Variants in CNTRL observed in about 807,000 individuals in gnomAD.
CNTRL encodes the protein centriolin.
In CNTRL, 233 loss-of-function variants were observed where a neutral mutation model predicts 303.7. That is an observed-to-expected ratio of 0.77 (90% CI 0.69 to 0.86). The LOEUF (loss-of-function observed/expected upper bound fraction) is 0.86, where lower values mean the gene tolerates loss of function less well. Among genes scored for constraint, CNTRL ranks in the 40% least tolerant of loss-of-function variants. The probability of loss-of-function intolerance (pLI) is 0.00; values close to 1 mark genes in which losing one functional copy is unlikely to be tolerated. For missense variants in CNTRL, 2,524 were observed against 2,650.6 expected (o/e 0.95, Z 1.05); for synonymous variants, 900 against 922.2 (o/e 0.98, Z 0.44).
intron 11 of CNTRL, 31 bp downstream of exon 11, chr9:121,115,231 G>A (rs1324059289): frequency 8.1e-7 from 1 of 1,230,196 alleles, no homozygotes; most frequent in South Asian, 1.3e-5. Flanking sequence ...AATGCTAAGA[G>A]GAAATGAAAA....
At chr9:121,101,923 C>T (rs1288781317) in intron 7 of CNTRL, among the ~76,000 whole-genome samples, 3 of 152,012 alleles carry the variant, frequency 2.0e-5, no homozygotes, top group Non-Finnish European at 4.4e-5. Context: ...CCTGCCAACC[C>T]AAAAAAGTCC....
intron 12 of CNTRL, among the ~76,000 whole-genome samples, chr9:121,118,775 G>T (rs1179409227): frequency 6.6e-6 from 1 of 152,142 alleles, no homozygotes; most frequent in East Asian, 1.9e-4. Context: ...TACTGAACAT[G>T]TACAGACTTT....
chr9:121,113,576 C>T lies in CNTRL; in HGVS notation c.1197C>T (p.Ala399=). 2 of 1,608,054 alleles carry T rather than the reference C, an allele frequency of 1.2e-6. No homozygotes were observed. Among genetic ancestry groups the T allele is most frequent in the Non-Finnish European group, 1.7e-6 (2 of 1,178,140 alleles). Residue 399 remains alanine, a synonymous_variant, in exon 10 of 44, where the codon GCC becomes GCT. Transcript: ENST00000373855. The stretch of plus-strand genomic sequence containing the variant: ...CCAGATACAAGAGAAATATGTTTGC[C>T]ACAGAGAGTTATATTATTGACAGTG... ...GKSRYKRNMF[A]TESYIIDSAQ...
At chr9:121,175,304 C>A in intron 43 of CNTRL, 80 bp downstream of exon 43, 1 of 1,321,334 alleles carries the variant, frequency 7.6e-7, no homozygotes, top group Non-Finnish European at 1.1e-6. Context: ...TCTTGCCCTA[C>A]CGCCCAGGCT....
At chr9:121,090,549 T>C (rs2048522612) in intron 4 of CNTRL, 144 bp downstream of exon 4, 1 of 735,768 alleles carries the variant, frequency 1.4e-6, no homozygotes, top group Admixed American at 3.1e-5. Flanking sequence ...CAGAAGTATA[T>C]GACATTTCCA....
At chr9:121,112,138 G>A (rs1295531553) in intron 8 of CNTRL, among the ~76,000 whole-genome samples, 2 of 152,000 alleles carry the variant, frequency 1.3e-5, no homozygotes, top group Non-Finnish European at 2.9e-5. Context: ...TATTTATTAG[G>A]CCAGTTACAC....
At chr9:121,132,542 T>C (rs146118875) in intron 14 of CNTRL, among the ~76,000 whole-genome samples, 19 of 152,342 alleles carry the variant, frequency 1.2e-4, no homozygotes, top group African/African-American at 4.3e-4. Context: ...CTAATCTTTT[T>C]TCAAGGTTTT....
intron 15 of CNTRL, among the ~76,000 whole-genome samples, chr9:121,137,114 G>C (rs1030594614): frequency 3.9e-5 from 6 of 152,178 alleles, no homozygotes; most frequent in Admixed American, 1.3e-4. Flanking sequence ...AAGAGAATGA[G>C]AGGTAAAGGC....
At chr9:121,116,966 C>CA (rs1436533024) in intron 11 of CNTRL, among the ~76,000 whole-genome samples, 1 of 151,902 alleles carries the variant, frequency 6.6e-6, no homozygotes, top group Admixed American at 6.6e-5. Context: ...TAGTACTGGC[C>CA]AAAGCTTTAC....
chr9:121,144,913 C>G lies in CNTRL; in HGVS notation c.3122C>G (p.Ala1041Gly). The G allele has an allele frequency of 1.9e-6, 3 of 1,613,574 alleles. No homozygotes were observed. The highest frequency in any genetic ancestry group is 2.5e-6 in the Non-Finnish European group (3 of 1,179,926). ...GCCAGAGATCTCACCCGAGCAGAAG[C>G]TGAGATCGAACTCCTGCAGAATCTC... ...QAARDLTRAE[A>G]EIELLQNLLR... The change falls in exon 21 of 44, where the codon GCT (alanine) becomes GGT (glycine). Residue 1041 changes from alanine to glycine, a missense_variant. Ala to Gly is a moderately conservative substitution (Grantham distance 60). Coordinates refer to ENST00000373855, the MANE Select transcript of CNTRL (RefSeq NM_007018.6).
Position 121,154,933 on chromosome 9 carries a change from G to A in CNTRL, c.4365+20G>A. The A allele has an allele frequency of 3.1e-6, 5 of 1,610,300 alleles. No individual in the cohort carries two copies. The highest frequency in any genetic ancestry group is 4.2e-6 in the Non-Finnish European group (5 of 1,176,598). On this transcript the variant is annotated intron_variant, in intron 27 of 43. Coordinates refer to ENST00000373855, the MANE Select transcript of CNTRL (RefSeq NM_007018.6). ...GAAAAGGTTTGTCTTCTTGTGGTTT[G>A]GGGTGTGAGCTCAGTGTGGGTGAGT...
intron 21 of CNTRL, 42 bp from the exon 22 acceptor site, chr9:121,145,202 T>G (rs780669200): frequency 6.3e-7 from 1 of 1,578,526 alleles, no homozygotes; most frequent in Non-Finnish European, 8.6e-7. Context: ...TGGGAAAGAA[T>G]GAATTCATTG....
Position 121,142,077 on chromosome 9 carries a change from G to A in CNTRL, c.2692-14G>A. 2.6e-6 allele frequency: 4 copies of A among 1,551,672 alleles called. No individual in the cohort carries two copies. The highest frequency in any genetic ancestry group is 1.4e-5 in the African/African-American group (1 of 72,084). Reference sequence around the variant, plus strand: ...TTGCCTAAAAATCATTCTTGAAATTGTATTTCTTCACAGATGAATTTTGAT... The same window carrying A: ...TTGCCTAAAAATCATTCTTGAAATTATATTTCTTCACAGATGAATTTTGAT... On this transcript the variant is annotated splice_polypyrimidine_tract_variant and intron_variant, in intron 18 of 43. Coordinates refer to ENST00000373855, the MANE Select transcript of CNTRL (RefSeq NM_007018.6).
intron 1 of CNTRL, among the ~76,000 whole-genome samples, chr9:121,077,284 G>T (rs533590271): frequency 6.6e-6 from 1 of 151,072 alleles, no homozygotes; most frequent in East Asian, 1.9e-4. Flanking sequence ...CTACCTCTCA[G>T]TTGTCTTCAT....
chr9:121,084,546 AT>A (rs375734045), intron 2 of CNTRL, among the ~76,000 whole-genome samples: 47 of 145,394 alleles, frequency 3.2e-4, no homozygotes, highest in Non-Finnish European at 2.6e-4. Flanking sequence ...AGAGGATGTC[AT>A]TTTTTTTTTT....
At position 121,157,532 on chromosome 9, in the gene CNTRL, T is replaced by C. The variant is rs1480690392; in HGVS notation, c.4428T>C (p.Asp1476=). 6.2e-7 allele frequency: 1 copy of C among 1,614,148 alleles called. No individual in the cohort carries two copies. The highest frequency in any genetic ancestry group is 2.2e-5 in the East Asian group (1 of 44,868). Residue 1476 remains aspartate, a synonymous_variant, in exon 28 of 44, where the codon GAT becomes GAC. Coordinates refer to ENST00000373855, the MANE Select transcript of CNTRL (RefSeq NM_007018.6). Reference sequence around the variant, plus strand: ...GAAGTTTATTGCAAACTGAGTCAGATGCTGAGGAATTAGAAAGGAGAGCTC... The same window carrying C: ...GAAGTTTATTGCAAACTGAGTCAGACGCTGAGGAATTAGAAAGGAGAGCTC... ...AKRSLLQTES[D]AEELERRAQE...
Position 121,167,517 on chromosome 9 carries a change from A to G in CNTRL, c.5684A>G (p.Asp1895Gly). Residue 1895 changes from aspartate to glycine, a missense_variant, in exon 37 of 44, where the codon GAT becomes GGT. Physicochemically the swap from Asp to Gly is moderately conservative, Grantham distance 94 (BLOSUM62 -1). Transcript: ENST00000373855. ...CTGCTTCACACCACCAAGCATCAGG[A>G]TGTGTTGCTCAGTGAGCAGACCCGA... ...QDLLHTTKHQ[D>G]VLLSEQTRLQ... 6.2e-7 allele frequency: 1 copy of G among 1,613,936 alleles called. No individual in the cohort carries two copies. The highest frequency in any genetic ancestry group is 8.5e-7 in the Non-Finnish European group (1 of 1,179,924).
At position 121,151,384 on chromosome 9, in the gene CNTRL, C is replaced by CTTTTTTTTT. The variant is rs200247383; in HGVS notation, c.3963+903_3963+904insTTTTTTTTT. Among the ~76,000 whole-genome samples the CTTTTTTTTT allele has an allele frequency of 2.2e-3, 200 of 91,470 alleles. 17 individuals are homozygous for CTTTTTTTTT. Among genetic ancestry groups the CTTTTTTTTT allele is most frequent in the East Asian group, 5.4e-3 (12 of 2,214 alleles). The allele number at this position is 91,470 out of a possible 152,430, so 60.0% of individuals were successfully genotyped here. A position where few individuals can be genotyped will look rare whatever the true frequency, so the allele number is the denominator to read the frequency against. On this transcript the variant is annotated intron_variant, in intron 25 of 43. Coordinates refer to ENST00000373855, the MANE Select transcript of CNTRL (RefSeq NM_007018.6). The stretch of plus-strand genomic sequence containing the variant: ...GATTACTTCCTTTTTCTTTTTTCTT[C>CTTTTTTTTT]TTCTTTTTTTTTTTTTTTTTTTTTG...
At chr9:121,096,344 A>C (rs2048890594) in intron 5 of CNTRL, 78 bp from the exon 6 acceptor site, 1 of 830,874 alleles carries the variant, frequency 1.2e-6, no homozygotes, top group Non-Finnish European at 1.7e-6. Context: ...ATGGAGCTAA[A>C]GCTGTTTATT....
Sources: allele counts gnomAD v4.1 joint callset (sites outside exome capture counted in the v4.1 genomes callset), GRCh38; gene constraint gnomAD v4.1.1; transcripts MANE v1.5; gene names NCBI Gene and HGNC (gene_info 2026-07-23, HGNC 2026-07-21).